AR: variants seen among roughly 807,000 people sequenced by gnomAD.
AR encodes dihydrotestosterone receptor.
In AR, 8 loss-of-function variants were observed where a neutral mutation model predicts 53.9. That is an observed-to-expected ratio of 0.15 (90% CI 0.09 to 0.27). The LOEUF is 0.27. AR is among the 10% of genes least tolerant of loss of function. The probability of loss-of-function intolerance (pLI) is 1.00; values close to 1 mark genes in which losing one functional copy is unlikely to be tolerated. For synonymous variants in AR, 359 were observed against 316.4 expected, an observed-to-expected ratio of 1.13 and a Z score of -1.43; for missense variants, 639 against 742.5, an observed-to-expected ratio of 0.86 and a Z score of 1.62.
chrX:67,632,494 C>T (rs965000809), intron 1 of AR, among the ~76,000 whole-genome samples: 3 of 112,378 alleles, frequency 2.7e-5, no homozygotes, highest in Non-Finnish European at 3.8e-5. Flanking sequence ...CGCCCTGCTT[C>T]GGCTCACACA....
rs2147545781 is a variant in AR at position 67,727,955 on chromosome X, G to A, written c.*4114G>A. The A allele has an allele frequency of 5.8e-6, 1 of 173,381 alleles. No individual in the cohort carries two copies. Among genetic ancestry groups the A allele is most frequent in the Non-Finnish European group, 1.1e-5 (1 of 90,910 alleles). 14.3% of individuals were successfully genotyped at this position (173,381 alleles called of 1,213,427 possible). A position where few individuals can be genotyped will look rare whatever the true frequency, so the allele number is the denominator to read the frequency against. On this transcript the variant is annotated 3_prime_UTR_variant, in exon 8 of 8. Transcript: ENST00000374690. ...GTTTCTACCCCTGATGCCTTTGTAGGCAGATCTGTTCTCACCATTAATCTT... is the reference window on the plus strand; with the variant it reads ...GTTTCTACCCCTGATGCCTTTGTAGACAGATCTGTTCTCACCATTAATCTT...
rs745333161 is a variant in AR, at chrX:67,546,030, T to C, written c.884T>C (p.Leu295Pro). ...APLAECKGSL[L>P]DDSAGKSTED... The stretch of plus-strand genomic sequence containing the variant: ...TTGGCCGAATGCAAAGGTTCTCTGC[T>C]AGACGACAGCGCAGGCAAGAGCACT... Residue 295 changes from leucine to proline, a missense_variant, in exon 1 of 8, where the codon CTA becomes CCA. Leu to Pro is a moderately conservative substitution (Grantham distance 98, BLOSUM62 -3). This residue lies in a region of AR where 423 missense variants were observed against 377.0 expected (regional missense o/e 1.12). Transcript: ENST00000374690. 5 of 1,212,313 alleles carry C rather than the reference T, an allele frequency of 4.1e-6. No individual in the cohort carries two copies. Among genetic ancestry groups the C allele is most frequent in the East Asian group, 3.0e-5 (1 of 33,829 alleles).
chrX:67,720,045 G>A (rs1488154135), intron 5 of AR, among the ~76,000 whole-genome samples: 6 of 111,814 alleles, frequency 5.4e-5, no homozygotes, highest in African/African-American at 1.3e-4. Flanking sequence ...TCTATGTGCC[G>A]CAAATTTTAT....
rs576373896 is a variant in AR at position 67,678,164 on chromosome X, C to T, written c.1769-7846C>T. ...GGGGTGGGGGGCTCCTACAGAGTTT[C>T]GCTAAGGCAAACCACAACGCTAAGC... On this transcript the variant is annotated intron_variant, in intron 2 of 7. Transcript: ENST00000374690. Among the ~76,000 whole-genome samples, 15 of 111,111 alleles carry T rather than the reference C, an allele frequency of 1.4e-4. No individual in the cohort carries two copies. The South Asian group carries it at 3.5e-3, about 26-fold the overall frequency.
At chrX:67,593,827 A>G (rs1033234643) in intron 1 of AR, among the ~76,000 whole-genome samples, 3 of 112,364 alleles carry the variant, frequency 2.7e-5, no homozygotes, top group Non-Finnish European at 3.8e-5. Context: ...TGTTTTTGCA[A>G]CTGAAATAAG....
Position 67,545,029 on chromosome X carries a change from G to T in AR, c.-118G>T. The T allele has an allele frequency of 9.7e-7, 1 of 1,035,092 alleles. No homozygotes were observed. Among genetic ancestry groups the T allele is most frequent in the Non-Finnish European group, 1.3e-6 (1 of 787,017 alleles). 85.3% of individuals were successfully genotyped at this position (1,035,092 alleles called of 1,213,427 possible). A position where few individuals can be genotyped will look rare whatever the true frequency, so the allele number is the denominator to read the frequency against. On this transcript the variant is annotated 5_prime_UTR_variant, in exon 1 of 8. Coordinates refer to ENST00000374690, the MANE Select transcript of AR (RefSeq NM_000044.6). ...CAAGTTTCCTTCTCTGGAGCTTCCCGCAGGTGGGCAGCTAGCTGCAGCGAC... is the reference window on the plus strand; with the variant it reads ...CAAGTTTCCTTCTCTGGAGCTTCCCTCAGGTGGGCAGCTAGCTGCAGCGAC...
intron 3 of AR, among the ~76,000 whole-genome samples, chrX:67,701,674 T>TCA (rs3070104): frequency 0.089 from 8,637 of 97,231 alleles, 298 homozygotes; most frequent in Middle Eastern, 0.11. Context: ...TACTAACCAT[T>TCA]CACACACACA....
intron 2 of AR, among the ~76,000 whole-genome samples, chrX:67,667,130 G>C (rs189034626): frequency 1.7e-4 from 19 of 111,534 alleles, no homozygotes; most frequent in African/African-American, 6.2e-4. Context: ...AGAAATTTTT[G>C]CCCAGATTAA....
intron 3 of AR, among the ~76,000 whole-genome samples, chrX:67,703,700 G>T (rs1392278482): frequency 9.0e-6 from 1 of 111,582 alleles, no homozygotes; most frequent in African/African-American, 3.3e-5. Flanking sequence ...CAACTTGCAG[G>T]TTTGTTACAT....
intron 1 of AR, among the ~76,000 whole-genome samples, chrX:67,561,628 C>T (rs2147337673): frequency 9.0e-6 from 1 of 111,344 alleles, no homozygotes; most frequent in African/African-American, 3.3e-5. Context: ...GGGAATGGAA[C>T]CATGCCCCTT....
Position 67,545,833 on chromosome X carries a change from T to G in AR, c.687T>G (p.Thr229=). Residue 229 remains threonine (T), a synonymous_variant, in exon 1 of 8, where the codon ACT becomes ACG. Coordinates refer to ENST00000374690, the MANE Select transcript of AR (RefSeq NM_000044.6). ...CCAAGGACAATTACTTAGGGGGCAC[T>G]TCGACCATTTCTGACAACGCCAAGG... ...TSSKDNYLGG[T]STISDNAKEL... The G allele has an allele frequency of 8.3e-7, 1 of 1,212,073 alleles. No individual in the cohort carries two copies. Among genetic ancestry groups the G allele is most frequent in the Non-Finnish European group, 1.1e-6 (1 of 895,560 alleles).
intron 2 of AR, among the ~76,000 whole-genome samples, chrX:67,657,456 G>A (rs1262970701): frequency 9.0e-6 from 1 of 110,998 alleles, no homozygotes; most frequent in Non-Finnish European, 1.9e-5. Context: ...TCACTTCATG[G>A]GTGTCTCCAC....
chrX:67,706,272 A>G (rs1436873571), intron 3 of AR, among the ~76,000 whole-genome samples: 4 of 111,246 alleles, frequency 3.6e-5, no homozygotes, highest in Admixed American at 9.5e-5. Flanking sequence ...AAATCCATCT[A>G]GTCCTGGACT....
chrX:67,704,392 G>A (rs1477527197), intron 3 of AR, among the ~76,000 whole-genome samples: 8 of 112,135 alleles, frequency 7.1e-5, no homozygotes, highest in Admixed American at 2.8e-4. Context: ...TTCTCTGATG[G>A]CCAGTGATGA....
At chrX:67,722,447 C>T in intron 6 of AR, among the ~76,000 whole-genome samples, 1 of 112,081 alleles carries the variant, frequency 8.9e-6, no homozygotes. Flanking sequence ...TAAGAGCCCT[C>T]TCTTAGCCCC....
chrX:67,566,931 T>A (rs1048572432), intron 1 of AR, among the ~76,000 whole-genome samples: 2 of 111,628 alleles, frequency 1.8e-5, no homozygotes, highest in African/African-American at 6.5e-5. Context: ...ACTTTATAGG[T>A]AAGAAACTGA....
intron 2 of AR, among the ~76,000 whole-genome samples, chrX:67,683,121 A>G (rs959539444): frequency 3.6e-5 from 4 of 111,883 alleles, no homozygotes; most frequent in African/African-American, 1.3e-4. Flanking sequence ...ACACTCAAAC[A>G]CCTATGCACT....
chrX:67,662,314 C>G (rs1490701581), intron 2 of AR, among the ~76,000 whole-genome samples: 1 of 110,855 alleles, frequency 9.0e-6, no homozygotes, highest in Non-Finnish European at 1.9e-5. Context: ...TTCCTGCTTT[C>G]TCTTGTGGGC....
At chrX:67,695,796 AACAC>A (rs1434969898) in intron 3 of AR, 9 of 647,595 alleles carry the variant, frequency 1.4e-5, no homozygotes, top group Non-Finnish European at 1.4e-5. Flanking sequence ...CTCCCCCCCC[AACAC>A]ACACACACTC....
Sources: gnomAD v4.1 joint callset for allele counts (sites outside exome capture counted in the v4.1 genomes callset) on GRCh38, gnomAD v4.1.1 for gene constraint, gnomAD v4.1.1 regional missense constraint, MANE v1.5 for transcripts, NCBI Gene and HGNC (gene_info 2026-07-23, HGNC 2026-07-21) for gene names.